The following DIP2C variants were observed in gnomAD, a reference collection of about 807,000 sequenced individuals.
DIP2C encodes the protein DIP2 acetate--CoA ligase C (putative).
A neutral mutation model predicts 192.4 loss-of-function variants in DIP2C; 33 were observed. That is an observed-to-expected ratio of 0.17 (90% CI 0.13 to 0.23). The LOEUF (loss-of-function observed/expected upper bound fraction) is 0.23. Among genes scored for constraint, DIP2C ranks in the 10% least tolerant of loss-of-function variants. The probability of loss-of-function intolerance (pLI) is 1.00; values close to 1 mark genes in which losing one functional copy is unlikely to be tolerated. For synonymous variants in DIP2C, 979 were observed against 864.1 expected, an observed-to-expected ratio of 1.13 and a Z score of -2.33; for missense variants, 1,537 against 2,110.1, an observed-to-expected ratio of 0.73 and a Z score of 5.32.
chr10:566,105 T>TA (rs1438511670), intron 1 of DIP2C, among the ~76,000 whole-genome samples: 1 of 152,354 alleles, frequency 6.6e-6, no homozygotes, highest in African/African-American at 2.4e-5. Context: ...GCTCTAAGAA[T>TA]AGAAACTTCT....
chr10:368,515 G>T (rs949793768), intron 18 of DIP2C, among the ~76,000 whole-genome samples: 2 of 152,200 alleles, frequency 1.3e-5, no homozygotes, highest in African/African-American at 4.8e-5. Context: ...AGGGAGTAGT[G>T]AGGAGGAGGG....
At chr10:670,415 T>A (rs1449467138) in intron 1 of DIP2C, among the ~76,000 whole-genome samples, 1 of 152,146 alleles carries the variant, frequency 6.6e-6, no homozygotes, top group African/African-American at 2.4e-5. Context: ...TCATCTCAGG[T>A]ACGTGGATTC....
intron 32 of DIP2C, among the ~76,000 whole-genome samples, chr10:303,219 T>C (rs1450284498): frequency 6.6e-6 from 1 of 152,026 alleles, no homozygotes; most frequent in African/African-American, 2.4e-5. Flanking sequence ...CTGTAGACTT[T>C]GTAAAAACTA....
chr10:304,555 G>GCACACACACACA (rs56181109), intron 32 of DIP2C, among the ~76,000 whole-genome samples: 3 of 150,570 alleles, frequency 2.0e-5, no homozygotes, highest in African/African-American at 7.3e-5. Flanking sequence ...GCACACGAAT[G>GCACACACACACA]CACACACACA....
chr10:582,000 G>A (rs567577273), intron 1 of DIP2C, among the ~76,000 whole-genome samples: 2 of 151,930 alleles, frequency 1.3e-5, no homozygotes, highest in East Asian at 3.9e-4. Flanking sequence ...GAGCACCTCC[G>A]AGATCCCTCA....
intron 1 of DIP2C, among the ~76,000 whole-genome samples, chr10:495,671 C>G (rs1416888951): frequency 6.6e-6 from 1 of 152,128 alleles, no homozygotes; most frequent in African/African-American, 2.4e-5. Flanking sequence ...GCTCAAGTCC[C>G]TGATAGAAAA....
rs61437915 is a variant in DIP2C, at chr10:548,911, C to CAAAAAAAAAAAAAA, written c.86-62395_86-62382dup. 1.2e-3 allele frequency among the ~76,000 whole-genome samples: 33 copies of CAAAAAAAAAAAAAA among 26,440 alleles called. 2 individuals carry two copies. The highest frequency in any genetic ancestry group is 3.8e-3 in the African/African-American group (28 of 7,418). The allele number at this position is 26,440 out of a possible 152,430, so 17.3% of individuals were successfully genotyped here. On this transcript the variant is annotated intron_variant, in intron 1 of 36. Transcript: ENST00000280886. ...CATTGCAGGAAAAAATAGCAGCTCA[C>CAAAAAAAAAAAAAA]AAAAAAAAAAAAAAAAAAAAAAAAA...
rs558426504 is a variant in DIP2C, at chr10:493,954, C to G, written c.86-7424G>C. Among the ~76,000 whole-genome samples, 3 of 152,344 alleles carry G rather than the reference C, an allele frequency of 2.0e-5. No individual in the cohort carries two copies. The South Asian group carries it at 6.2e-4, about 32-fold the overall frequency. On this transcript the variant is annotated intron_variant, in intron 1 of 36. Transcript: ENST00000280886. Reference sequence around the variant, plus strand: ...GTCCTACCTCCAACTACAGGAGACACTTCAGATGCCCCAGCAGGGAGAATA... The same window carrying G: ...GTCCTACCTCCAACTACAGGAGACAGTTCAGATGCCCCAGCAGGGAGAATA...
Position 355,287 on chromosome 10 carries a change from C to T in DIP2C, c.2985+1139G>A, listed in dbSNP as rs543544727. 5.3e-5 allele frequency among the ~76,000 whole-genome samples: 8 copies of T among 152,320 alleles called. No individual in the cohort carries two copies. In the South Asian group the frequency reaches 6.2e-4, roughly 12 times the overall value. ...CTCAGCATCCGTGACAACGTCAAGA[C>T]GACACGCGCTTCTCTGGCAGAGGAG... On this transcript the variant is annotated intron_variant, in intron 24 of 36. Transcript: ENST00000280886.
At chr10:477,130 A>G (rs1281172733) in intron 2 of DIP2C, among the ~76,000 whole-genome samples, 1 of 149,538 alleles carries the variant, frequency 6.7e-6, no homozygotes, top group East Asian at 2.0e-4. Context: ...AAAAGAAGGC[A>G]GTGAGGCCAG....
chr10:428,498 C>T (rs1966740265), intron 4 of DIP2C, among the ~76,000 whole-genome samples: 2 of 152,298 alleles, frequency 1.3e-5, no homozygotes, highest in South Asian at 2.1e-4. Flanking sequence ...TCCATTGTAT[C>T]TTCACAGAAG....
intron 1 of DIP2C, among the ~76,000 whole-genome samples, chr10:575,029 G>T (rs1178577646): frequency 6.6e-6 from 1 of 152,100 alleles, no homozygotes; most frequent in Non-Finnish European, 1.5e-5. Flanking sequence ...GAGATGCCAG[G>T]CGCTCACAAA....
intron 1 of DIP2C, among the ~76,000 whole-genome samples, chr10:603,668 A>G (rs1415854439): frequency 1.3e-5 from 2 of 152,206 alleles, no homozygotes; most frequent in Non-Finnish European, 2.9e-5. Context: ...AGGGCACACA[A>G]AAGGCTGATA....
At chr10:489,654 G>A (rs1414431325) in intron 1 of DIP2C, among the ~76,000 whole-genome samples, 1 of 151,736 alleles carries the variant, frequency 6.6e-6, no homozygotes, top group Non-Finnish European at 1.5e-5. Flanking sequence ...GGACACGGTG[G>A]CTCTGACGGT....
intron 17 of DIP2C, 116 bp from the exon 18 acceptor site, chr10:369,749 C>CCGGGCA: frequency 6.5e-7 from 1 of 1,545,512 alleles, no homozygotes; most frequent in South Asian, 1.1e-5. Flanking sequence ...TGCTGGCACC[C>CCGGGCA]CAGGCACAGT....
intron 24 of DIP2C, among the ~76,000 whole-genome samples, chr10:352,310 A>G (rs1222521948): frequency 1.3e-5 from 2 of 152,226 alleles, no homozygotes; most frequent in Admixed American, 1.3e-4. Flanking sequence ...CCCCACCTGT[A>G]GGTACTTGCA....
chr10:646,876 T>A (rs1296939128), intron 1 of DIP2C, among the ~76,000 whole-genome samples: 1 of 152,232 alleles, frequency 6.6e-6, no homozygotes, highest in Non-Finnish European at 1.5e-5. Context: ...ACAGACTCGG[T>A]TGGTAATTTC....
At chr10:495,325 T>A (rs1021844993) in intron 1 of DIP2C, among the ~76,000 whole-genome samples, 3 of 152,182 alleles carry the variant, frequency 2.0e-5, no homozygotes, top group African/African-American at 7.2e-5. Context: ...TTAATAACAA[T>A]GTACCATCTG....
intron 19 of DIP2C, 131 bp from the exon 20 acceptor site, chr10:364,713 G>T (rs1171998208): frequency 1.9e-6 from 2 of 1,035,478 alleles, no homozygotes; most frequent in Non-Finnish European, 2.8e-6. Flanking sequence ...CTGCCCTAGG[G>T]CCGAGGTCAC....
Sources: gnomAD v4.1 joint callset for allele counts (sites outside exome capture counted in the v4.1 genomes callset) on GRCh38, gnomAD v4.1.1 for gene constraint, MANE v1.5 for transcripts, NCBI Gene and HGNC (gene_info 2026-07-23, HGNC 2026-07-21) for gene names.